Variants in FES observed in about 807,000 individuals in gnomAD.
The protein encoded by FES is FES proto-oncogene, tyrosine kinase, also known as tyrosine-protein kinase Fes/Fps.
Under a neutral mutation model 109.6 loss-of-function variants are expected in FES, and 83 were observed. The ratio of observed to expected loss-of-function variants is 0.76; its 90% CI spans 0.63 to 0.91. The LOEUF (loss-of-function observed/expected upper bound fraction) is 0.91. Among genes scored for constraint, FES ranks in the 40% least tolerant of loss-of-function variants. The pLI, the probability that FES is intolerant of heterozygous loss-of-function variation, is 0.00. For synonymous variants in FES, 458 were observed against 442.1 expected, an observed-to-expected ratio of 1.04 and a Z score of -0.45; for missense variants, 943 against 1,070.9, an observed-to-expected ratio of 0.88 and a Z score of 1.67.
intron 5 of FES, 32 bp downstream of exon 5, chr15:90,887,402 C>G (rs888070417): frequency 1.3e-6 from 2 of 1,578,240 alleles, no homozygotes; most frequent in Non-Finnish European, 1.7e-6. Context: ...CTGGCCCCCA[C>G]CCTTGAGCAG....
chr15:90,885,695 C>T, intron 3 of FES, 110 bp downstream of exon 3: 2 of 1,466,976 alleles, frequency 1.4e-6, no homozygotes, highest in Non-Finnish European at 1.8e-6. Context: ...AAGTCCCTGA[C>T]CGCAGGCCTG....
In FES at chr15:90,887,372, T is replaced by A; in HGVS notation, c.668+2T>A. The A allele has an allele frequency of 6.2e-7, 1 of 1,606,828 alleles. No homozygotes were observed. Among genetic ancestry groups the A allele is most frequent in the Non-Finnish European group, 8.5e-7 (1 of 1,176,226 alleles). On this transcript the variant is annotated splice_donor_variant, in intron 5 of 18. Transcript: ENST00000328850. LOFTEE classifies it high-confidence loss of function. ...GCACGAGGAGATGGCTTGCATCCTG[T>A]AAGCCCGCAGCCCCGTCCCCTGGCC...
intron 5 of FES, among the ~76,000 whole-genome samples, chr15:90,888,406 C>G (rs879678590): frequency 1.3e-5 from 2 of 152,134 alleles, no homozygotes; most frequent in African/African-American, 2.4e-5. Context: ...CATGCCCAGC[C>G]CTGACCTCTG....
chr15:90,889,626 G>A lies in FES; in HGVS notation c.916G>A (p.Val306Met), dbSNP rs373788500. The A allele has an allele frequency of 1.2e-5, 20 of 1,613,100 alleles. No individual in the cohort carries two copies. In the African/African-American group the frequency reaches 1.6e-4, roughly 13 times the overall value. ...GCTGAACGAGCTGACTGTGGAGAGC[G>A]TGCAGCACACGTGGGTGGTGGCTTT... The part of the protein sequence containing the change: ...LQLNELTVES[V>M]QHTLTSVTDE... Residue 306 changes from valine to methionine, a missense_variant, in exon 7 of 19, where the codon GTG becomes ATG. Coordinates refer to ENST00000328850, the MANE Select transcript of FES (RefSeq NM_002005.4). The surrounding 1 kb of genome is among the most constrained non-coding windows in gnomAD (Gnocchi z 6.1).
intron 18 of FES, 84 bp downstream of exon 18, chr15:90,894,142 A>T: frequency 6.7e-7 from 1 of 1,483,478 alleles, no homozygotes; most frequent in Admixed American, 1.9e-5. Flanking sequence ...CCTTAATGCC[A>T]ACCTTCCCAC....
intron 18 of FES, 41 bp downstream of exon 18, chr15:90,894,099 C>T (rs1309590558): frequency 6.2e-7 from 1 of 1,606,884 alleles, no homozygotes; most frequent in East Asian, 2.2e-5. Context: ...GCTGCACCCT[C>T]TTCCAGATGC....
rs1033674374 is a variant in FES at position 90,889,131 on chromosome 15, C to A, written c.669-175C>A. 4 of 746,358 alleles carry A rather than the reference C, an allele frequency of 5.4e-6. No homozygotes were observed. The East Asian group carries it at 8.1e-5, about 15-fold the overall frequency. The allele number at this position is 746,358 out of a possible 1,614,324, so 46.2% of individuals were successfully genotyped here. A position where few individuals can be genotyped will look rare whatever the true frequency, so the allele number is the denominator to read the frequency against. ...CTGCCAGTGTCCCTCTTATATATAT[C>A]AGGAAATAGAAGATTAGGGAGAGGT... On this transcript the variant is annotated intron_variant, in intron 5 of 18. Coordinates refer to ENST00000328850, the MANE Select transcript of FES (RefSeq NM_002005.4). This position sits in a 1 kb window ranked among gnomAD's most constrained non-coding sequence, Gnocchi z 6.1.
chr15:90,895,571 C>G lies in FES; in HGVS notation c.*13C>G, dbSNP rs2033636108. 3 of 1,541,730 alleles carry G rather than the reference C, an allele frequency of 1.9e-6. No homozygotes were observed. In the South Asian group the frequency reaches 3.7e-5, roughly 19 times the overall value. On this transcript the variant is annotated 3_prime_UTR_variant, in exon 19 of 19. Transcript: ENST00000328850. ...GCGGCATCGGTGAGGCTGGGACCCC[C>G]TTCTCAAGCTGGTGGCCTCTGCAGG... is the stretch of plus-strand genomic sequence containing the variant.
chr15:90,891,254 G>A, intron 11 of FES, 63 bp downstream of exon 11: 1 of 1,525,812 alleles, frequency 6.6e-7, no homozygotes, highest in Admixed American at 2.0e-5. Context: ...CCTTCCCCAA[G>A]GGAAATGGCC....
At chr15:90,894,718 A>G (rs1007877251) in intron 18 of FES, among the ~76,000 whole-genome samples, 6 of 151,288 alleles carry the variant, frequency 4.0e-5, no homozygotes, top group African/African-American at 1.2e-4. Flanking sequence ...GTGAGCTGAG[A>G]TCATGCCACT....
At position 90,889,278 on chromosome 15, in the gene FES, C is replaced by G. The variant is rs755858965; in HGVS notation, c.669-28C>G. On this transcript the variant is annotated intron_variant, in intron 5 of 18. Transcript: ENST00000328850. The surrounding 1 kb of genome is among the most constrained non-coding windows in gnomAD (Gnocchi z 6.1). Reference sequence around the variant, plus strand: ...CAGCCTTGCCCAGCCTGAGGCTCCCCTGACTGGGGATCCCGTCTCGGGGGC... The same window carrying G: ...CAGCCTTGCCCAGCCTGAGGCTCCCGTGACTGGGGATCCCGTCTCGGGGGC... 6.2e-7 allele frequency: 1 copy of G among 1,611,062 alleles called. No homozygotes were observed. The highest frequency in any genetic ancestry group is 8.5e-7 in the Non-Finnish European group (1 of 1,178,960).
At chr15:90,885,698 C>T in intron 3 of FES, 113 bp downstream of exon 3, 2 of 1,463,292 alleles carry the variant, frequency 1.4e-6, no homozygotes, top group Admixed American at 2.6e-5. Flanking sequence ...TCCCTGACCG[C>T]AGGCCTGGCT....
chr15:90,893,449 C>T, intron 16 of FES, 35 bp downstream of exon 16: 1 of 1,518,866 alleles, frequency 6.6e-7, no homozygotes, highest in South Asian at 1.3e-5. Flanking sequence ...CTGCCAACAC[C>T]CCCGACCAGA....
chr15:90,889,793 G>T lies in FES; in HGVS notation c.927-47G>T, dbSNP rs769152293. 4 of 1,610,864 alleles carry T rather than the reference G, an allele frequency of 2.5e-6. No individual in the cohort carries two copies. The South Asian group carries it at 3.3e-5, about 13-fold the overall frequency. ...CAGGGATGCACTGGACCTGGGTTGA[G>T]GGGGCAGGAGGGCTCGGTTCTAATG... On this transcript the variant is annotated intron_variant, in intron 7 of 18. Coordinates refer to ENST00000328850, the MANE Select transcript of FES (RefSeq NM_002005.4). This position sits in a 1 kb window ranked among gnomAD's most constrained non-coding sequence, Gnocchi z 6.1.
chr15:90,889,609 A>G lies in FES; in HGVS notation c.899A>G (p.Glu300Gly). ...PLEPGELQLN[E>G]LTVESVQHTL... is the part of the protein sequence containing the mutation. ...GAGCCTGGGGAGCTCCAGCTGAACGAGCTGACTGTGGAGAGCGTGCAGCAC... is the reference window on the plus strand; with the variant it reads ...GAGCCTGGGGAGCTCCAGCTGAACGGGCTGACTGTGGAGAGCGTGCAGCAC... Residue 300 changes from glutamate to glycine, a missense_variant, in exon 7 of 19, where the codon GAG (glutamate) becomes GGG (glycine). Transcript: ENST00000328850. The surrounding 1 kb of genome is among the most constrained non-coding windows in gnomAD (Gnocchi z 6.1). 1 of 1,613,502 alleles carries G rather than the reference A, an allele frequency of 6.2e-7. No individual in the cohort carries two copies. The highest frequency in any genetic ancestry group is 8.5e-7 in the Non-Finnish European group (1 of 1,179,974).
In FES at chr15:90,889,908, C is replaced by T. The variant is rs149066819; in HGVS notation, c.995C>T (p.Thr332Met). ...GTGTTCAGGCGGCAGGAGATGGTTA[C>T]GCAGCTGCAACAGGAGCTCCGGAAT... ...EMVFRRQEMV[T>M]QLQQELRNEE... is the part of the protein sequence containing the mutation. Residue 332 changes from threonine to methionine, a missense_variant, in exon 8 of 19, where the codon ACG becomes ATG. Transcript: ENST00000328850. The surrounding 1 kb of genome is among the most constrained non-coding windows in gnomAD (Gnocchi z 6.1). The T allele has an allele frequency of 2.6e-4, 419 of 1,613,536 alleles. No individual in the cohort carries two copies. Among genetic ancestry groups the T allele is most frequent in the African/African-American group, 1.3e-3 (97 of 74,924 alleles).
In FES at chr15:90,892,711, A is replaced by G; in HGVS notation, c.1712A>G (p.Asn571Ser). ...AGGAGCCCAAGACCGTTTCAGGGGA[A>G]CTTTGGCGAAGTGTTCAGCGGACGC... The part of the protein sequence containing the change: ...LVLGEQIGRG[N>S]FGEVFSGRLR... The change falls in exon 14 of 19, where the codon AAC becomes AGC. Residue 571 changes from asparagine (N) to serine (S), a missense_variant. Asn to Ser is a conservative substitution (Grantham distance 46). Transcript: ENST00000328850. The G allele has an allele frequency of 1.2e-6, 2 of 1,606,906 alleles. No individual in the cohort carries two copies. The highest frequency in any genetic ancestry group is 1.7e-6 in the Non-Finnish European group (2 of 1,176,682).
intron 3 of FES, among the ~76,000 whole-genome samples, 156 bp from the exon 4 acceptor site, chr15:90,886,805 C>G (rs1026328912): frequency 3.9e-5 from 6 of 152,254 alleles, no homozygotes; most frequent in African/African-American, 7.2e-5. Flanking sequence ...TTAACAGGCT[C>G]TCTGATCTTT....
At position 90,885,533 on chromosome 15, in the gene FES, T is replaced by C; in HGVS notation, c.335T>C (p.Leu112Pro). The C allele has an allele frequency of 6.2e-7, 1 of 1,613,182 alleles. No individual in the cohort carries two copies. The highest frequency in any genetic ancestry group is 8.5e-7 in the Non-Finnish European group (1 of 1,179,992). ...CTGCTCATCCGGGAACGGCAGCAGC[T>C]TCGCAAGACCTACAGCGAGCAGTGG... ...LSLLIRERQQ[L>P]RKTYSEQWQQ... The change falls in exon 3 of 19, where the codon CTT becomes CCT. Residue 112 changes from leucine (L) to proline (P), a missense_variant. Transcript: ENST00000328850.
Sources: gnomAD v4.1 joint callset for allele counts (sites outside exome capture counted in the v4.1 genomes callset) on GRCh38, gnomAD v4.1.1 for gene constraint, Gnocchi (gnomAD v3.1) non-coding constraint, MANE v1.5 for transcripts, NCBI Gene and HGNC (gene_info 2026-07-23, HGNC 2026-07-21) for gene names.